ZNF385D: variants seen among roughly 807,000 people sequenced by gnomAD.
The protein encoded by ZNF385D is zinc finger protein 659.
ZNF385D carries 15 observed loss-of-function variants against 35.8 expected under a neutral mutation model. The ratio of observed to expected loss-of-function variants is 0.42; its 90% CI spans 0.28 to 0.64. ZNF385D has a LOEUF of 0.64. Ranked by LOEUF, ZNF385D falls within the 30% of genes least tolerant of loss-of-function variation. The probability of loss-of-function intolerance (pLI) is 0.23; values close to 1 mark genes in which losing one functional copy is unlikely to be tolerated. For synonymous variants in ZNF385D, 212 were observed against 186.8 expected, an observed-to-expected ratio of 1.13 and a Z score of -1.10; for missense variants, 474 against 494.6, an observed-to-expected ratio of 0.96 and a Z score of 0.39.
At chr3:22,229,206 G>C (rs1324054006) in intron 2 of ZNF385D, among the ~76,000 whole-genome samples, 1 of 152,062 alleles carries the variant, frequency 6.6e-6, no homozygotes, top group Non-Finnish European at 1.5e-5. Context: ...CAGTCATTTT[G>C]TTTTCAGTCC....
intron 2 of ZNF385D, among the ~76,000 whole-genome samples, chr3:22,349,085 G>C (rs1695797560): frequency 6.6e-6 from 1 of 152,188 alleles, no homozygotes; most frequent in South Asian, 2.1e-4. Flanking sequence ...TTAAAATTCA[G>C]AACTCCATGT....
intron 2 of ZNF385D, among the ~76,000 whole-genome samples, chr3:22,335,373 T>G (rs1323429198): frequency 6.6e-6 from 1 of 152,120 alleles, no homozygotes; most frequent in African/African-American, 2.4e-5. Context: ...CTCATGTGAG[T>G]GACTGTTGCT....
At chr3:21,811,888 T>C (rs1575694813) in intron 3 of ZNF385D, among the ~76,000 whole-genome samples, 1 of 152,232 alleles carries the variant, frequency 6.6e-6, no homozygotes, top group African/African-American at 2.4e-5. Flanking sequence ...TAGATTAGGG[T>C]AACAAAACCT....
At chr3:22,036,280 G>C (rs1385840109) in intron 3 of ZNF385D, among the ~76,000 whole-genome samples, 1 of 152,172 alleles carries the variant, frequency 6.6e-6, no homozygotes, top group Non-Finnish European at 1.5e-5. Flanking sequence ...CCCCAAAGCA[G>C]ATCACAGTTA....
chr3:21,744,024 TAA>T (rs1559575847), intron 1 of ZNF385D, among the ~76,000 whole-genome samples: 1 of 152,156 alleles, frequency 6.6e-6, no homozygotes, highest in African/African-American at 2.4e-5. Context: ...CTTCCATTCA[TAA>T]AAATATCTCC....
intron 3 of ZNF385D, among the ~76,000 whole-genome samples, chr3:21,886,880 C>A (rs1415645927): frequency 6.6e-6 from 1 of 152,060 alleles, no homozygotes; most frequent in African/African-American, 2.4e-5. Flanking sequence ...ATCAGCAGTG[C>A]CCCCGTGGGT....
rs138615969 is a variant in ZNF385D at position 22,082,364 on chromosome 3, C to T, written c.325+86453G>A. On this transcript the variant is annotated intron_variant, in intron 3 of 5. Coordinates refer to the ZNF385D transcript ENST00000494108. ...CTTCTGCCCTAATACTGCACTTTTCCAATGGTCTTAGCAAATGGCACACCA... is the reference window on the plus strand; with the variant it reads ...CTTCTGCCCTAATACTGCACTTTTCTAATGGTCTTAGCAAATGGCACACCA... Among the ~76,000 whole-genome samples the T allele has an allele frequency of 4.6e-5, 7 of 152,244 alleles. No homozygotes were observed. In the East Asian group the frequency reaches 1.4e-3, roughly 30 times the overall value.
intron 3 of ZNF385D, among the ~76,000 whole-genome samples, chr3:22,139,092 C>A (rs150580319): frequency 0.021 from 2,356 of 114,356 alleles, 50 homozygotes; most frequent in African/African-American, 0.052. Flanking sequence ...TTAGAATGGC[C>A]ATCATTAAAA....
intron 3 of ZNF385D, among the ~76,000 whole-genome samples, chr3:21,932,991 G>A (rs905056752): frequency 4.6e-5 from 7 of 152,056 alleles, no homozygotes; most frequent in African/African-American, 1.7e-4. Context: ...TCCAAACCTG[G>A]CTGGCCAAAC....
chr3:22,002,027 A>G (rs1211742005), intron 3 of ZNF385D, among the ~76,000 whole-genome samples: 1 of 152,010 alleles, frequency 6.6e-6, no homozygotes, highest in Non-Finnish European at 1.5e-5. Context: ...AATATAGCTC[A>G]AGGTACTAGA....
chr3:22,284,083 T>A (rs530548259), intron 2 of ZNF385D, among the ~76,000 whole-genome samples: 1 of 152,262 alleles, frequency 6.6e-6, no homozygotes, highest in East Asian at 1.9e-4. Context: ...ATTTTATACT[T>A]ACTTGAGGCA....
At chr3:22,230,873 G>A (rs999575262) in intron 2 of ZNF385D, among the ~76,000 whole-genome samples, 5 of 152,120 alleles carry the variant, frequency 3.3e-5, no homozygotes, top group Non-Finnish European at 7.3e-5. Context: ...GTGTGGTTAA[G>A]CCAGTCATTA....
intron 2 of ZNF385D, among the ~76,000 whole-genome samples, chr3:22,266,305 A>G (rs981562962): frequency 6.6e-6 from 1 of 151,940 alleles, no homozygotes; most frequent in African/African-American, 2.4e-5. Flanking sequence ...CAAGATACCT[A>G]TGTTCACTCA....
At chr3:22,069,968 A>G (rs1204821768) in intron 3 of ZNF385D, among the ~76,000 whole-genome samples, 1 of 152,198 alleles carries the variant, frequency 6.6e-6, no homozygotes, top group African/African-American at 2.4e-5. Flanking sequence ...AAGCAAGCTA[A>G]GGCAAATAAG....
At chr3:21,703,997 C>T (rs1035294272) in intron 1 of ZNF385D, among the ~76,000 whole-genome samples, 1 of 152,162 alleles carries the variant, frequency 6.6e-6, no homozygotes, top group African/African-American at 2.4e-5. Context: ...TTTGTAGGGC[C>T]CTGCCTGTTT....
intron 3 of ZNF385D, among the ~76,000 whole-genome samples, chr3:22,123,922 A>ATCTCTCTCTCTCTCTCTC (rs34781505): frequency 5.0e-5 from 4 of 80,264 alleles, no homozygotes; most frequent in African/African-American, 1.0e-4. Flanking sequence ...GCTAGACTCC[A>ATCTCTCTCTCTCTCTCTC]TCTCTCTCTC....
chr3:21,665,190 C>T (rs2066368372), intron 1 of ZNF385D, among the ~76,000 whole-genome samples, 162 bp from the exon 2 acceptor site: 1 of 152,170 alleles, frequency 6.6e-6, no homozygotes, highest in Admixed American at 6.5e-5. Flanking sequence ...AGCAAATTTG[C>T]CATTAGGCAG....
chr3:22,326,438 G>A (rs1210751145), intron 2 of ZNF385D, among the ~76,000 whole-genome samples: 1 of 152,146 alleles, frequency 6.6e-6, no homozygotes, highest in African/African-American at 2.4e-5. Flanking sequence ...GGCATTTTCT[G>A]CATGTGGCTT....
At chr3:22,321,401 T>A (rs942352450) in intron 2 of ZNF385D, among the ~76,000 whole-genome samples, 10 of 152,054 alleles carry the variant, frequency 6.6e-5, no homozygotes, top group African/African-American at 2.4e-4. Context: ...GTTTCACTCT[T>A]GTTGCCCAGG....
Sources: allele counts gnomAD v4.1 joint callset (sites outside exome capture counted in the v4.1 genomes callset), GRCh38; gene constraint gnomAD v4.1.1; transcripts MANE v1.5; gene names NCBI Gene and HGNC (gene_info 2026-07-23, HGNC 2026-07-21).